Variants in LIMA1 observed in about 807,000 individuals in gnomAD.
LIMA1 encodes the protein LIM domain and actin binding 1, also known as LIM domain and actin-binding protein 1.
LIMA1 carries 52 observed loss-of-function variants against 62.6 expected under a neutral mutation model. That is an observed-to-expected ratio of 0.83 (90% CI 0.67 to 1.05). The LOEUF (loss-of-function observed/expected upper bound fraction) is 1.05. LIMA1 is among the 50% of genes least tolerant of loss of function. The pLI is 0.00. For missense variants in LIMA1, 780 were observed against 902.2 expected (o/e 0.86, Z 1.74); for synonymous variants, 302 against 317.8 (o/e 0.95, Z 0.53).
chr12:50,245,345 C>G (rs932673586), intron 2 of LIMA1, among the ~76,000 whole-genome samples: 1 of 148,278 alleles, frequency 6.7e-6, no homozygotes, highest in East Asian at 2.0e-4. Flanking sequence ...CCTGGGAGGT[C>G]GAGTCTGCAG....
chr12:50,204,784 A>G, intron 5 of LIMA1, 84 bp from the exon 6 acceptor site: 1 of 1,339,732 alleles, frequency 7.5e-7, no homozygotes, highest in Non-Finnish European at 1.0e-6. Flanking sequence ...CAGTGGCACG[A>G]TCATAGCTCA....
intron 3 of LIMA1, among the ~76,000 whole-genome samples, chr12:50,225,334 T>C (rs1055656080): frequency 6.6e-6 from 1 of 152,222 alleles, no homozygotes; most frequent in African/African-American, 2.4e-5. Context: ...CATGAATAGA[T>C]GCTGTAATAC....
chr12:50,276,360 T>C (rs1942275949), intron 1 of LIMA1, among the ~76,000 whole-genome samples: 1 of 152,208 alleles, frequency 6.6e-6, no homozygotes, highest in African/African-American at 2.4e-5. Context: ...ACTATCCACA[T>C]AGCCTAACAG....
At chr12:50,246,567 G>T (rs1941852019) in intron 2 of LIMA1, among the ~76,000 whole-genome samples, 1 of 152,052 alleles carries the variant, frequency 6.6e-6, no homozygotes, top group Non-Finnish European at 1.5e-5. Flanking sequence ...TTGCCAGAAG[G>T]CTTTTTCTAA....
intron 1 of LIMA1, among the ~76,000 whole-genome samples, chr12:50,248,999 A>G (rs1457901902): frequency 6.6e-6 from 1 of 152,224 alleles, no homozygotes; most frequent in Non-Finnish European, 1.5e-5. Context: ...GTTCCATTTT[A>G]TGACTGACCC....
At chr12:50,253,590 A>G (rs1442678849) in intron 1 of LIMA1, among the ~76,000 whole-genome samples, 1 of 152,216 alleles carries the variant, frequency 6.6e-6, no homozygotes, top group Non-Finnish European at 1.5e-5. Context: ...ATTTTTCAGT[A>G]AGAGAATAGT....
intron 8 of LIMA1, among the ~76,000 whole-genome samples, chr12:50,193,508 T>TATATATGATATATATACAC (rs1391484317): frequency 9.2e-5 from 13 of 140,774 alleles, no homozygotes; most frequent in African/African-American, 3.4e-4. Context: ...CATATATGTG[T>TATATATGATATATATACAC]ATATATGATA....
At chr12:50,264,998 T>A (rs920340460) in intron 1 of LIMA1, among the ~76,000 whole-genome samples, 12 of 151,692 alleles carry the variant, frequency 7.9e-5, no homozygotes, top group Admixed American at 5.9e-4. Flanking sequence ...CAAAAAATTT[T>A]AATAATTAGC....
chr12:50,278,923 ATC>A (rs1328964402), intron 1 of LIMA1, among the ~76,000 whole-genome samples: 1 of 152,182 alleles, frequency 6.6e-6, no homozygotes, highest in East Asian at 1.9e-4. Flanking sequence ...CAAATGATAG[ATC>A]TCTCTGGAAC....
At chr12:50,247,289 G>A (rs1418102043) in intron 2 of LIMA1, among the ~76,000 whole-genome samples, 1 of 152,118 alleles carries the variant, frequency 6.6e-6, no homozygotes, top group African/African-American at 2.4e-5. Flanking sequence ...AAGTGATACT[G>A]TATGACTTCC....
intron 2 of LIMA1, among the ~76,000 whole-genome samples, chr12:50,243,780 T>C (rs7314501): frequency 0.03 from 4,516 of 152,302 alleles, 232 homozygotes; most frequent in African/African-American, 0.1. Flanking sequence ...AAGAAAAATA[T>C]GTGACAGGAA....
intron 9 of LIMA1, chr12:50,186,363 A>G (rs964701968): frequency 3.9e-5 from 6 of 152,240 alleles, no homozygotes; most frequent in African/African-American, 9.7e-5. Context: ...CACATAGTCA[A>G]TAACAGAAAT....
intron 3 of LIMA1, among the ~76,000 whole-genome samples, chr12:50,227,993 A>G (rs960632651): frequency 2.0e-5 from 3 of 151,140 alleles, no homozygotes; most frequent in South Asian, 2.1e-4. Context: ...CCGAGTAGCT[A>G]GGACTACAGG....
chr12:50,241,354 C>T (rs1356242691), intron 2 of LIMA1, among the ~76,000 whole-genome samples: 1 of 152,118 alleles, frequency 6.6e-6, no homozygotes, highest in East Asian at 1.9e-4. Context: ...TATATGAAAA[C>T]TAGAACCAAT....
At chr12:50,254,879 G>A (rs988365408) in intron 1 of LIMA1, among the ~76,000 whole-genome samples, 5 of 151,988 alleles carry the variant, frequency 3.3e-5, no homozygotes, top group Admixed American at 2.6e-4. Flanking sequence ...GGCCAACATG[G>A]TAAAACCCTG....
At chr12:50,275,231 G>C (rs1942262336) in intron 1 of LIMA1, among the ~76,000 whole-genome samples, 1 of 152,042 alleles carries the variant, frequency 6.6e-6, no homozygotes, top group Admixed American at 6.6e-5. Context: ...GCCAGGCGTG[G>C]TGGCGCGTGC....
intron 4 of LIMA1, 118 bp from the exon 5 acceptor site, chr12:50,206,186 C>G (rs565801469): frequency 1.4e-6 from 1 of 733,578 alleles, no homozygotes; most frequent in Non-Finnish European, 2.1e-6. Context: ...ATTTTATATT[C>G]TATAGAATTT....
In LIMA1 at chr12:50,213,875, T is replaced by C. The variant is rs377702100; in HGVS notation, c.631-7807A>G. Among the ~76,000 whole-genome samples, 9 of 152,292 alleles carry C rather than the reference T, an allele frequency of 5.9e-5. No homozygotes were observed. The East Asian group carries it at 1.5e-3, about 26-fold the overall frequency. On this transcript the variant is annotated intron_variant, in intron 4 of 10. Transcript: ENST00000341247. ...TATAATGAAACTGGTTAAAAACCAG[T>C]ACATAGTTAGTGGACATGAAAGTAA...
At chr12:50,261,042 ATTT>A (rs71083524) in intron 1 of LIMA1, among the ~76,000 whole-genome samples, 3 of 54,296 alleles carry the variant, frequency 5.5e-5, no homozygotes, top group East Asian at 1.1e-3. Flanking sequence ...CATCTAGTAT[ATTT>A]TTTTTTTTTT....
Sources: gnomAD v4.1 joint callset for allele counts (sites outside exome capture counted in the v4.1 genomes callset) on GRCh38, gnomAD v4.1.1 for gene constraint, MANE v1.5 for transcripts, NCBI Gene and HGNC (gene_info 2026-07-23, HGNC 2026-07-21) for gene names.